PPM1D: variants seen among roughly 807,000 people sequenced by gnomAD.
The protein encoded by PPM1D is protein phosphatase 1D.
A neutral mutation model predicts 58.3 loss-of-function variants in PPM1D; 52 were observed. That is an observed-to-expected ratio of 0.89 (90% CI 0.71 to 1.12). The LOEUF is 1.12. Ranked by LOEUF, PPM1D falls within the 50% of genes most tolerant of loss-of-function variation. PPM1D has a pLI of 0.00. For synonymous variants in PPM1D, 278 were observed against 285.1 expected, an observed-to-expected ratio of 0.98 and a Z score of 0.25; for missense variants, 564 against 777.2, an observed-to-expected ratio of 0.73 and a Z score of 3.26.
chr17:60,627,710 T>G (rs1487725674), intron 2 of PPM1D, among the ~76,000 whole-genome samples: 4 of 151,152 alleles, frequency 2.6e-5, no homozygotes. Context: ...GTGAGCCAAT[T>G]CGCCTGACCA....
intron 1 of PPM1D, among the ~76,000 whole-genome samples, chr17:60,603,131 G>C (rs1203231174): frequency 1.3e-5 from 2 of 152,080 alleles, no homozygotes; most frequent in East Asian, 3.8e-4. Context: ...CAGTCAGTAT[G>C]TTTTCTTCTG....
chr17:60,660,992 T>A (rs1200302517), intron 5 of PPM1D, among the ~76,000 whole-genome samples: 2 of 151,762 alleles, frequency 1.3e-5, no homozygotes, highest in Non-Finnish European at 2.9e-5. Flanking sequence ...GGCGGACAGA[T>A]CACCTGAGGT....
intron 5 of PPM1D, among the ~76,000 whole-genome samples, chr17:60,658,589 G>C (rs192903532): frequency 2.7e-5 from 4 of 150,584 alleles, no homozygotes; most frequent in Admixed American, 2.7e-4. Flanking sequence ...CGGAGGTTGC[G>C]GTGAGCCAAG....
At chr17:60,631,297 G>T (rs931343778) in intron 2 of PPM1D, among the ~76,000 whole-genome samples, 3 of 151,230 alleles carry the variant, frequency 2.0e-5, no homozygotes, top group Admixed American at 6.6e-5. Context: ...TGCAGCCTGG[G>T]CAACAGAACG....
chr17:60,614,208 CCT>C (rs1465352678), intron 1 of PPM1D, among the ~76,000 whole-genome samples: 1 of 152,048 alleles, frequency 6.6e-6, no homozygotes, highest in Non-Finnish European at 1.5e-5. Context: ...CAGTCAGCAC[CCT>C]GTGTCTAGCT....
rs113795409 is a variant in PPM1D, at chr17:60,652,846, A to G, written c.1018-3753A>G. ...ATTTTAGATCTTTTGCCCATTTTAA[A>G]ATTGGATTATTTGGGGCTTGTTTTG... is the stretch of plus-strand genomic sequence containing the variant. On this transcript the variant is annotated intron_variant, in intron 4 of 5. Transcript: ENST00000305921. Among the ~76,000 whole-genome samples, 792 of 152,068 alleles carry G rather than the reference A, an allele frequency of 5.2e-3. 12 individuals are homozygous for G. The highest frequency in any genetic ancestry group is 5.6e-3 in the Non-Finnish European group (382 of 67,978).
At chr17:60,662,074 G>A (rs146633427) in intron 5 of PPM1D, among the ~76,000 whole-genome samples, 57 of 152,208 alleles carry the variant, frequency 3.7e-4, no homozygotes, top group African/African-American at 1.3e-3. Flanking sequence ...TCTGCTCTCT[G>A]CAGCCTCCAC....
intron 1 of PPM1D, among the ~76,000 whole-genome samples, chr17:60,603,722 C>T (rs1375783573): frequency 6.6e-6 from 1 of 151,578 alleles, no homozygotes; most frequent in East Asian, 2.0e-4. Context: ...TGGGATTGGG[C>T]CACTGCACTC....
intron 1 of PPM1D, among the ~76,000 whole-genome samples, chr17:60,618,233 C>G (rs1196105611): frequency 5.9e-5 from 9 of 152,186 alleles, no homozygotes; most frequent in Non-Finnish European, 1.2e-4. Flanking sequence ...CTCACAGCCT[C>G]CTGAGCAGCT....
At chr17:60,655,948 G>T (rs1241484401) in intron 4 of PPM1D, among the ~76,000 whole-genome samples, 2 of 151,122 alleles carry the variant, frequency 1.3e-5, no homozygotes, top group Non-Finnish European at 3.0e-5. Context: ...TGATCCACCC[G>T]CCTCCTCCTC....
intron 1 of PPM1D, among the ~76,000 whole-genome samples, chr17:60,604,300 A>G (rs900211418): frequency 3.3e-5 from 5 of 152,240 alleles, no homozygotes; most frequent in African/African-American, 4.8e-5. Flanking sequence ...TCAAGCAACA[A>G]TTAGAAATGT....
intron 4 of PPM1D, among the ~76,000 whole-genome samples, chr17:60,652,550 GTTTTTTTTT>G (rs776162517): frequency 1.6e-3 from 108 of 67,638 alleles, no homozygotes; most frequent in African/African-American, 6.1e-3. Context: ...GTTTACTTCT[GTTTTTTTTT>G]TTTTTTTTTT....
intron 1 of PPM1D, among the ~76,000 whole-genome samples, chr17:60,614,987 C>G (rs138942430): frequency 5.4e-4 from 82 of 152,302 alleles, no homozygotes; most frequent in African/African-American, 1.8e-3. Context: ...CACATTACTA[C>G]CTTTGTAACC....
At chr17:60,661,284 C>G (rs1197157776) in intron 5 of PPM1D, among the ~76,000 whole-genome samples, 1 of 149,346 alleles carries the variant, frequency 6.7e-6, no homozygotes, top group African/African-American at 2.5e-5. Flanking sequence ...GGAGAAAGAT[C>G]AGATAAATAC....
intron 5 of PPM1D, among the ~76,000 whole-genome samples, chr17:60,657,798 GGCATTATCTT>G (rs1471103986): frequency 2.6e-5 from 4 of 152,086 alleles, no homozygotes; most frequent in Non-Finnish European, 5.9e-5. Context: ...AGAGTGCAAT[GGCATTATCTT>G]GGCTCACTGC....
chr17:60,613,890 G>GCCCCCCCCCCCCCCCCCCCCCCCCC (rs61669650), intron 1 of PPM1D, among the ~76,000 whole-genome samples: 2 of 137,368 alleles, frequency 1.5e-5, no homozygotes, highest in Admixed American at 7.0e-5. Context: ...CATACCTGAG[G>GCCCCCCCCCCCCCCCCCCCCCCCCC]CCCCCCCCCC....
intron 1 of PPM1D, among the ~76,000 whole-genome samples, chr17:60,617,014 T>A (rs2030597866): frequency 6.6e-6 from 1 of 152,104 alleles, no homozygotes; most frequent in African/African-American, 2.4e-5. Context: ...GTGGCACGAT[T>A]ATAGCTCACT....
chr17:60,622,083 G>T (rs2030718543), intron 1 of PPM1D, among the ~76,000 whole-genome samples: 1 of 151,036 alleles, frequency 6.6e-6, no homozygotes. Context: ...CCAGCTATTT[G>T]GGAGGCTGAG....
At chr17:60,610,997 G>A (rs543897539) in intron 1 of PPM1D, among the ~76,000 whole-genome samples, 1 of 152,352 alleles carries the variant, frequency 6.6e-6, no homozygotes, top group East Asian at 1.9e-4. Context: ...TCATTTCCCT[G>A]ATTCCTCATA....
Sources: gnomAD v4.1 joint callset for allele counts (sites outside exome capture counted in the v4.1 genomes callset) on GRCh38, gnomAD v4.1.1 for gene constraint, MANE v1.5 for transcripts, NCBI Gene and HGNC (gene_info 2026-07-23, HGNC 2026-07-21) for gene names.